Variants in BRD3 observed in about 807,000 individuals in gnomAD.
BRD3 encodes bromodomain-containing protein 3.
BRD3 carries 17 observed loss-of-function variants against 66.8 expected under a neutral mutation model. The observed-to-expected ratio is 0.25, with a 90% CI of 0.17 to 0.38. The LOEUF (loss-of-function observed/expected upper bound fraction) is 0.38. BRD3 is among the 10% of genes least tolerant of loss of function. The pLI is 1.00. For synonymous variants in BRD3, 421 were observed against 393.2 expected, an observed-to-expected ratio of 1.07 and a Z score of -0.84; for missense variants, 713 against 956.1, an observed-to-expected ratio of 0.75 and a Z score of 3.35.
Position 134,042,760 on chromosome 9 carries a change from T to C in BRD3, c.1216-809A>G, listed in dbSNP as rs916374102. Among the ~76,000 whole-genome samples the C allele has an allele frequency of 8.5e-5, 12 of 141,588 alleles. No individual in the cohort carries two copies. The East Asian group carries it at 1.6e-3, about 19-fold the overall frequency. 92.9% of individuals were successfully genotyped at this position (141,588 alleles called of 152,430 possible). A position where few individuals can be genotyped will look rare whatever the true frequency, so the allele number is the denominator to read the frequency against. On this transcript the variant is annotated intron_variant, in intron 7 of 11. Transcript: ENST00000303407. ...ACACATATATACACATATATACACA[T>C]ATATACACACACACATATATATACA...
chr9:134,053,377 C>T lies in BRD3; in HGVS notation c.101G>A (p.Arg34His), dbSNP rs1830343696. 4 of 1,568,728 alleles carry T rather than the reference C, an allele frequency of 2.5e-6. No individual in the cohort carries two copies. The highest frequency in any genetic ancestry group is 1.4e-5 in the African/African-American group (1 of 73,212). Reference sequence around the variant, plus strand: ...CATGTACTGCAGCTGGTTGGTCTTGCGGCCGGGCTTGCTGGGGTTGGAGAC... The same window carrying T: ...CATGTACTGCAGCTGGTTGGTCTTGTGGCCGGGCTTGCTGGGGTTGGAGAC... Reference protein sequence around the residue: ...PEVSNPSKPGRKTNQLQYMQN... With the variant: ...PEVSNPSKPGHKTNQLQYMQN... Residue 34 changes from arginine (R) to histidine (H), a missense_variant, in exon 2 of 12, where the codon CGC becomes CAC. Physicochemically the swap from Arg to His is conservative, Grantham distance 29 (BLOSUM62 0). Transcript: ENST00000303407.
At chr9:134,067,172 C>T (rs1408830656) in intron 1 of BRD3, among the ~76,000 whole-genome samples, 1 of 152,260 alleles carries the variant, frequency 6.6e-6, no homozygotes, top group African/African-American at 2.4e-5. Flanking sequence ...ACCCCCGTCC[C>T]TCCCGCTCCA....
At chr9:134,035,495 A>G (rs1245282065) in intron 10 of BRD3, among the ~76,000 whole-genome samples, 1 of 152,140 alleles carries the variant, frequency 6.6e-6, no homozygotes, top group Non-Finnish European at 1.5e-5. Flanking sequence ...CGTTCCTGCC[A>G]CTGACTTCAG....
intron 9 of BRD3, among the ~76,000 whole-genome samples, chr9:134,038,292 T>C (rs886714578): frequency 6.6e-6 from 1 of 151,714 alleles, no homozygotes; most frequent in African/African-American, 2.4e-5. Context: ...GTAGCTGGGA[T>C]TACAGGCGCC....
intron 9 of BRD3, among the ~76,000 whole-genome samples, chr9:134,039,702 C>G (rs1313698153): frequency 6.6e-6 from 1 of 152,218 alleles, no homozygotes; most frequent in Non-Finnish European, 1.5e-5. Context: ...TGCCTATGGG[C>G]AAGTCCAAAA....
intron 5 of BRD3, among the ~76,000 whole-genome samples, chr9:134,049,247 C>G (rs1412838821): frequency 1.3e-5 from 2 of 152,194 alleles, no homozygotes; most frequent in Non-Finnish European, 2.9e-5. Flanking sequence ...AGGGCCTCAG[C>G]ACCCAGCACC....
chr9:134,045,500 C>T lies in BRD3; in HGVS notation c.1087-79G>A, dbSNP rs905888488. 2 of 1,588,648 alleles carry T rather than the reference C, an allele frequency of 1.3e-6. No individual in the cohort carries two copies. The highest frequency in any genetic ancestry group is 4.5e-5 in the East Asian group (2 of 44,504). ...TCTGCCACACCCCACGAGATGAACTCTGGAGCCTCAGGAGCCACTGCCAGC... is the reference window on the plus strand; with the variant it reads ...TCTGCCACACCCCACGAGATGAACTTTGGAGCCTCAGGAGCCACTGCCAGC... On this transcript the variant is annotated intron_variant, in intron 6 of 11. Transcript: ENST00000303407. The surrounding 1 kb of genome is among the most constrained non-coding windows in gnomAD (Gnocchi z 4.8).
At chr9:134,052,731 G>GGGAC (rs1365636440) in intron 2 of BRD3, among the ~76,000 whole-genome samples, 7 of 152,212 alleles carry the variant, frequency 4.6e-5, no homozygotes, top group Admixed American at 2.6e-4. Context: ...AAACCTTCCA[G>GGGAC]GGACCAAACC....
At chr9:134,067,665 G>C (rs1280198711) in intron 1 of BRD3, among the ~76,000 whole-genome samples, 1 of 146,450 alleles carries the variant, frequency 6.8e-6, no homozygotes, top group South Asian at 2.1e-4. Context: ...CCCCGAGTCC[G>C]GGACGGAGGC....
At chr9:134,039,824 A>T (rs888398447) in intron 9 of BRD3, among the ~76,000 whole-genome samples, 1 of 152,122 alleles carries the variant, frequency 6.6e-6, no homozygotes, top group Non-Finnish European at 1.5e-5. Flanking sequence ...CCCAGAATCC[A>T]GGCCAGCCCC....
At chr9:134,067,869 C>T (rs940968178) in intron 1 of BRD3, 76 bp downstream of exon 1, 4 of 144,728 alleles carry the variant, frequency 2.8e-5, no homozygotes, top group African/African-American at 9.9e-5. Context: ...GGCCGCGCTC[C>T]CCGGCCCAGC....
chr9:134,033,554 G>A lies in BRD3; in HGVS notation c.*36C>T, dbSNP rs372807731. The A allele has an allele frequency of 2.8e-6, 2 of 719,392 alleles. No homozygotes were observed. The highest frequency in any genetic ancestry group is 2.6e-6 in the Non-Finnish European group (1 of 382,092). The allele number at this position is 719,392 out of a possible 1,614,324, so 44.6% of individuals were successfully genotyped here. On this transcript the variant is annotated 3_prime_UTR_variant, in exon 12 of 12. Coordinates refer to ENST00000303407, the MANE Select transcript of BRD3 (RefSeq NM_007371.4). The surrounding 1 kb of genome is among the most constrained non-coding windows in gnomAD (Gnocchi z 5.1). ...GGGGTACGGCAGAGTCTCGGCGTGT[G>A]CGACATCCATCTGTCCTGTTCTGTC...
chr9:134,061,175 CT>C (rs1383818436), intron 1 of BRD3, among the ~76,000 whole-genome samples: 1 of 152,242 alleles, frequency 6.6e-6, no homozygotes, highest in African/African-American at 2.4e-5. Flanking sequence ...GCAGCCTAGC[CT>C]TCAGGCACTC....
chr9:134,034,120 C>T (rs1360290019), intron 11 of BRD3, among the ~76,000 whole-genome samples: 1 of 152,190 alleles, frequency 6.6e-6, no homozygotes, highest in Non-Finnish European at 1.5e-5. Context: ...CAAACCATGT[C>T]GCAAGGCCAT....
rs767989014 is a variant in BRD3 at position 134,040,155 on chromosome 9, TCTC to T, written c.1519_1521del (p.Glu507del). 1.3e-6 allele frequency: 2 copies of T among 1,562,310 alleles called. No homozygotes were observed. Among genetic ancestry groups the T allele is most frequent in the Non-Finnish European group, 1.7e-6 (2 of 1,153,770 alleles). On this transcript the variant is annotated inframe_deletion, in exon 9 of 12. Coordinates refer to ENST00000303407, the MANE Select transcript of BRD3 (RefSeq NM_007371.4). ...TCGGCCTTCACTTTGTGCTTCTCCT[TCTC>T]CTTCTCCTTGTCCTTCTTCTTCTTC...
intron 1 of BRD3, among the ~76,000 whole-genome samples, chr9:134,059,667 T>C (rs1240952001): frequency 1.3e-5 from 2 of 152,188 alleles, no homozygotes; most frequent in East Asian, 1.9e-4. Flanking sequence ...TGGAAGCCTG[T>C]CTGCTAAAAT....
chr9:134,043,765 A>G (rs1287234593), intron 7 of BRD3, among the ~76,000 whole-genome samples: 1 of 152,212 alleles, frequency 6.6e-6, no homozygotes, highest in Non-Finnish European at 1.5e-5. Flanking sequence ...ACCACAGCTC[A>G]CTGCAGTCTC....
At chr9:134,051,781 T>C (rs1243976106) in intron 3 of BRD3, 72 bp from the exon 4 acceptor site, 23 of 1,509,178 alleles carry the variant, frequency 1.5e-5, no homozygotes, top group Non-Finnish European at 1.8e-5. Flanking sequence ...TTATTAGTTG[T>C]AGCTCAAAAA....
intron 7 of BRD3, among the ~76,000 whole-genome samples, chr9:134,043,989 G>A (rs1008078731): frequency 1.3e-5 from 2 of 152,238 alleles, no homozygotes; most frequent in African/African-American, 4.8e-5. Context: ...TGTTTCAGGA[G>A]CAGGGGCAGA....
Sources: gnomAD v4.1 joint callset for allele counts (sites outside exome capture counted in the v4.1 genomes callset) on GRCh38, gnomAD v4.1.1 for gene constraint, Gnocchi (gnomAD v3.1) non-coding constraint, MANE v1.5 for transcripts, NCBI Gene and HGNC (gene_info 2026-07-23, HGNC 2026-07-21) for gene names.